GPC5: variants seen among roughly 807,000 people sequenced by gnomAD.
GPC5 encodes the protein glypican-5.
In GPC5, 47 loss-of-function variants were observed where a neutral mutation model predicts 53.9. The ratio of observed to expected loss-of-function variants is 0.87; its 90% CI spans 0.69 to 1.11. The LOEUF (loss-of-function observed/expected upper bound fraction) is 1.11. Ranked by LOEUF, GPC5 falls within the 50% of genes most tolerant of loss-of-function variation. The pLI is 0.00. For synonymous variants in GPC5, 286 were observed against 263.3 expected, an observed-to-expected ratio of 1.09 and a Z score of -0.84; for missense variants, 748 against 713.1, an observed-to-expected ratio of 1.05 and a Z score of -0.56.
chr13:91,975,355 T>G (rs543216891), intron 6 of GPC5, among the ~76,000 whole-genome samples: 48 of 152,022 alleles, frequency 3.2e-4, no homozygotes, highest in Admixed American at 1.0e-3. Flanking sequence ...GGGAGAAAAT[T>G]TTTGCAACCT....
At chr13:92,579,649 A>G (rs1323765836) in intron 7 of GPC5, among the ~76,000 whole-genome samples, 1 of 152,076 alleles carries the variant, frequency 6.6e-6, no homozygotes. Flanking sequence ...CAGCCTTTCC[A>G]TATTGTCTTT....
chr13:91,926,076 A>T (rs1054821891), intron 6 of GPC5, among the ~76,000 whole-genome samples: 1 of 152,106 alleles, frequency 6.6e-6, no homozygotes, highest in African/African-American at 2.4e-5. Flanking sequence ...AAATCTATGC[A>T]AAATAGCCGG....
At chr13:91,923,409 G>C (rs1045098141) in intron 6 of GPC5, among the ~76,000 whole-genome samples, 1 of 152,162 alleles carries the variant, frequency 6.6e-6, no homozygotes, top group African/African-American at 2.4e-5. Flanking sequence ...AATGCACCTT[G>C]AAAGCAGGCT....
At chr13:92,568,446 A>G (rs1333671) in intron 7 of GPC5, among the ~76,000 whole-genome samples, 83,700 of 152,066 alleles carry the variant, frequency 0.55, 24,810 homozygotes, top group African/African-American at 0.77. Flanking sequence ...TTATTTATCC[A>G]CTGTCAGTAT....
chr13:92,395,911 T>TG (rs1400161948), intron 7 of GPC5, among the ~76,000 whole-genome samples: 4 of 151,746 alleles, frequency 2.6e-5, no homozygotes, highest in Non-Finnish European at 5.9e-5. Context: ...GTTTCTGTTT[T>TG]TTTTTTTTTT....
At chr13:91,474,589 T>C (rs1165539439) in intron 2 of GPC5, among the ~76,000 whole-genome samples, 1 of 152,064 alleles carries the variant, frequency 6.6e-6, no homozygotes, top group Non-Finnish European at 1.5e-5. Flanking sequence ...AATTTTCTAG[T>C]TTCTGACTTA....
chr13:92,607,869 A>G (rs1884306951), intron 7 of GPC5, among the ~76,000 whole-genome samples: 1 of 152,140 alleles, frequency 6.6e-6, no homozygotes, highest in Non-Finnish European at 1.5e-5. Flanking sequence ...TTACACGCAG[A>G]TTCTCTTCCA....
chr13:92,376,568 T>C (rs1236496982), intron 7 of GPC5, among the ~76,000 whole-genome samples: 1 of 152,196 alleles, frequency 6.6e-6, no homozygotes, highest in Non-Finnish European at 1.5e-5. Flanking sequence ...AGTTCCTCCA[T>C]CTGAGCTAAT....
At chr13:91,947,896 G>T (rs1389448560) in intron 6 of GPC5, among the ~76,000 whole-genome samples, 1 of 151,996 alleles carries the variant, frequency 6.6e-6, no homozygotes, top group Non-Finnish European at 1.5e-5. Flanking sequence ...GAATGATTGA[G>T]TTGATAGCAC....
intron 7 of GPC5, among the ~76,000 whole-genome samples, chr13:92,515,787 A>G (rs1880753100): frequency 6.6e-6 from 1 of 152,208 alleles, no homozygotes; most frequent in Non-Finnish European, 1.5e-5. Context: ...TGAGGAAATC[A>G]TAATTCACAA....
chr13:92,319,910 A>G (rs1594097756), intron 7 of GPC5, among the ~76,000 whole-genome samples: 1 of 152,150 alleles, frequency 6.6e-6, no homozygotes, highest in African/African-American at 2.4e-5. Flanking sequence ...CAATATATAC[A>G]TTAGTCATTT....
chr13:92,118,039 A>G (rs7322795), intron 6 of GPC5, among the ~76,000 whole-genome samples: 149,476 of 152,294 alleles, frequency 0.98, 73,412 homozygotes, highest in East Asian at 1. Context: ...TTTGAAATTA[A>G]TCAGAGAGTC....
intron 7 of GPC5, among the ~76,000 whole-genome samples, chr13:92,187,895 T>C (rs769342913): frequency 2.6e-5 from 4 of 152,194 alleles, no homozygotes; most frequent in Non-Finnish European, 5.9e-5. Flanking sequence ...GAAATAAAGT[T>C]TTCTTTACTC....
chr13:91,941,803 GTAA>G (rs1240381244), intron 6 of GPC5, among the ~76,000 whole-genome samples: 1 of 152,092 alleles, frequency 6.6e-6, no homozygotes, highest in Non-Finnish European at 1.5e-5. Flanking sequence ...AATTTGATTG[GTAA>G]TAAATGTGAT....
At position 91,399,041 on chromosome 13, in the gene GPC5, G is replaced by A. The variant is rs1218637515; in HGVS notation, c.-6G>A. Reference sequence around the variant, plus strand: ...CTGGCGGGTAAAGGGGACCAGGACGGCGAGGATGGACGCACAGACCTGGCC... The same window carrying A: ...CTGGCGGGTAAAGGGGACCAGGACGACGAGGATGGACGCACAGACCTGGCC... On this transcript the variant is annotated 5_prime_UTR_variant, in exon 1 of 8. Transcript: ENST00000377067. 1.3e-6 allele frequency: 2 copies of A among 1,547,070 alleles called. No individual in the cohort carries two copies. Among genetic ancestry groups the A allele is most frequent in the Non-Finnish European group, 1.7e-6 (2 of 1,145,582 alleles).
chr13:91,977,993 A>T (rs916051153), intron 6 of GPC5, among the ~76,000 whole-genome samples: 1 of 151,866 alleles, frequency 6.6e-6, no homozygotes, highest in African/African-American at 2.4e-5. Flanking sequence ...GAAAAGAAAA[A>T]AAAAATTAAA....
chr13:91,680,708 G>C (rs1456419917), intron 2 of GPC5, among the ~76,000 whole-genome samples: 1 of 152,256 alleles, frequency 6.6e-6, no homozygotes, highest in East Asian at 1.9e-4. Flanking sequence ...AAATGAAAAG[G>C]CTGCCTTTGT....
At chr13:92,032,239 G>T (rs1017022227) in intron 6 of GPC5, among the ~76,000 whole-genome samples, 5 of 150,474 alleles carry the variant, frequency 3.3e-5, no homozygotes, top group African/African-American at 1.2e-4. Context: ...CTATGAGATT[G>T]CAAAGGCATA....
At chr13:91,403,166 A>G (rs990237315) in intron 1 of GPC5, among the ~76,000 whole-genome samples, 7 of 152,222 alleles carry the variant, frequency 4.6e-5, no homozygotes, top group Non-Finnish European at 8.8e-5. Context: ...CAAAGCCAGA[A>G]TTGGGACCCG....
Sources: gnomAD v4.1 joint callset for allele counts (sites outside exome capture counted in the v4.1 genomes callset) on GRCh38, gnomAD v4.1.1 for gene constraint, MANE v1.5 for transcripts, NCBI Gene and HGNC (gene_info 2026-07-23, HGNC 2026-07-21) for gene names.